Variants in ERAP1 observed in about 807,000 individuals in gnomAD.
The protein encoded by ERAP1 is adipocyte-derived leucine aminopeptidase.
ERAP1 carries 86 observed loss-of-function variants against 103.7 expected under a neutral mutation model. The ratio of observed to expected loss-of-function variants is 0.83; its 90% CI spans 0.70 to 0.99. The LOEUF (loss-of-function observed/expected upper bound fraction) is 0.99, where lower values mean the gene tolerates loss of function less well. Among genes scored for constraint, ERAP1 ranks in the 50% least tolerant of loss-of-function variants. The probability of loss-of-function intolerance (pLI) is 0.00; values close to 1 mark genes in which losing one functional copy is unlikely to be tolerated. For missense variants in ERAP1, 1,009 were observed against 1,128.4 expected, an observed-to-expected ratio of 0.89 and a Z score of 1.52; for synonymous variants, 398 against 402.4, an observed-to-expected ratio of 0.99 and a Z score of 0.13.
chr5:96,889,752 G>A, the ERAP1 span, among the ~76,000 whole-genome samples: 1 of 151,780 alleles, frequency 6.6e-6, no homozygotes, highest in East Asian at 1.9e-4. Context: ...TCTGTGGGAG[G>A]GAAACACACC....
chr5:96,896,942 C>A, the ERAP1 span: 1 of 1,410,832 alleles, frequency 7.1e-7, no homozygotes, highest in Non-Finnish European at 9.4e-7. Context: ...TTATAAATAG[C>A]TATATATTGT....
chr5:96,821,939 A>G, the ERAP1 span, among the ~76,000 whole-genome samples: 6 of 152,328 alleles, frequency 3.9e-5, no homozygotes, highest in Non-Finnish European at 8.8e-5. Context: ...TGCCTTTCAA[A>G]TCTTTGCTGG....
At chr5:96,864,913 T>C in the ERAP1 span, among the ~76,000 whole-genome samples, 11 of 152,290 alleles carry the variant, frequency 7.2e-5, no homozygotes, top group African/African-American at 2.4e-4. Context: ...AAAAATCTTA[T>C]GGATACAGAA....
chr5:96,766,809 G>A (rs1045890684), intron 19 of ERAP1, among the ~76,000 whole-genome samples: 1 of 152,124 alleles, frequency 6.6e-6, no homozygotes, highest in African/African-American at 2.4e-5. Flanking sequence ...TAAGAAACAA[G>A]GAAGACCAAA....
At chr5:96,839,836 A>T in the ERAP1 span, among the ~76,000 whole-genome samples, 1 of 152,140 alleles carries the variant, frequency 6.6e-6, no homozygotes, top group African/African-American at 2.4e-5. Context: ...AAATACTCAG[A>T]TCTCAGCTCA....
the ERAP1 span, among the ~76,000 whole-genome samples, chr5:96,840,096 T>C: frequency 1.3e-5 from 2 of 152,238 alleles, no homozygotes; most frequent in African/African-American, 4.8e-5. Context: ...TAAACAATTA[T>C]TAGATGAAAG....
At chr5:96,845,493 G>T in the ERAP1 span, among the ~76,000 whole-genome samples, 1 of 151,982 alleles carries the variant, frequency 6.6e-6, no homozygotes, top group African/African-American at 2.4e-5. Context: ...CCTTGGCCTC[G>T]CAAAGTGCTG....
chr5:96,900,143 C>T, the ERAP1 span: 1 of 1,613,836 alleles, frequency 6.2e-7, no homozygotes, highest in African/African-American at 1.3e-5. Context: ...AGTGATTTTA[C>T]ATCTGGTGGA....
the ERAP1 span, among the ~76,000 whole-genome samples, chr5:96,868,762 A>T: frequency 6.6e-6 from 1 of 152,190 alleles, no homozygotes; most frequent in East Asian, 1.9e-4. Context: ...ACAAATGTTC[A>T]GTATGCTGCT....
Position 96,781,803 on chromosome 5 carries a change from T to A in ERAP1, c.2337A>T (p.Thr779=). ...LAVFAVGAQS[T]EGWDFLYSKY... is the part of the protein sequence containing the mutation. Reference sequence around the variant, plus strand: ...TACTATAAAGAAAATCCCAGCCTTCTGTGCTCTGGGCCCCCACAGCAAACA... The same window carrying A: ...TACTATAAAGAAAATCCCAGCCTTCAGTGCTCTGGGCCCCCACAGCAAACA... Residue 779 remains threonine (T), a synonymous_variant, in exon 16 of 19, where the codon ACA becomes ACT. Coordinates refer to ENST00000443439, the MANE Select transcript of ERAP1 (RefSeq NM_001040458.3). 2.5e-6 allele frequency: 4 copies of A among 1,614,122 alleles called. No individual in the cohort carries two copies. The highest frequency in any genetic ancestry group is 2.5e-6 in the Non-Finnish European group (3 of 1,180,008).
At position 96,788,626 on chromosome 5, in the gene ERAP1, C is replaced by T. The variant is rs1448691137; in HGVS notation, c.1584G>A (p.Lys528=). 1 of 1,614,150 alleles carries T rather than the reference C, an allele frequency of 6.2e-7. No homozygotes were observed. Among genetic ancestry groups the T allele is most frequent in the East Asian group, 2.2e-5 (1 of 44,882 alleles). Reference sequence around the variant, plus strand: ...CTGTGATGGTTATTAGGGGAAAACCCTTCTGCAGTGTCCAAGTGTTCATCA... The same window carrying T: ...CTGTGATGGTTATTAGGGGAAAACCTTTCTGCAGTGTCCAAGTGTTCATCA... ...KTMMNTWTLQ[K]GFPLITITVR... is the part of the protein sequence containing the mutation. The change falls in exon 11 of 19, where the codon AAG becomes AAA. Residue 528 remains lysine, a synonymous_variant. Transcript: ENST00000443439.
At chr5:96,923,321 G>A in the ERAP1 span, among the ~76,000 whole-genome samples, 1 of 152,052 alleles carries the variant, frequency 6.6e-6, no homozygotes, top group Non-Finnish European at 1.5e-5. Context: ...TTGACCCCTC[G>A]GTCTCACTGA....
the ERAP1 span, among the ~76,000 whole-genome samples, chr5:96,911,021 C>A: frequency 1.3e-5 from 2 of 152,128 alleles, no homozygotes; most frequent in Non-Finnish European, 2.9e-5. Context: ...ATTATTTGAT[C>A]TTTATTATAT....
chr5:96,830,381 C>T, the ERAP1 span, among the ~76,000 whole-genome samples: 1 of 152,226 alleles, frequency 6.6e-6, no homozygotes, highest in Admixed American at 6.5e-5. Flanking sequence ...GATTCCCCCA[C>T]TCCAGGTTTG....
chr5:96,919,348 G>A, the ERAP1 span: 2 of 152,198 alleles, frequency 1.3e-5, no homozygotes, highest in Admixed American at 6.5e-5. Context: ...ACTTGGTGGT[G>A]GACCTTCCTT....
the ERAP1 span, chr5:96,873,755 C>T: frequency 9.4e-6 from 3 of 319,102 alleles, no homozygotes; most frequent in Non-Finnish European, 1.9e-5. Context: ...TTGAGGGTCT[C>T]TTATATGGCA....
chr5:96,824,473 A>ATGTAT, the ERAP1 span, among the ~76,000 whole-genome samples: 1 of 152,144 alleles, frequency 6.6e-6, no homozygotes, highest in Non-Finnish European at 1.5e-5. Context: ...TGAGGTCTAT[A>ATGTAT]CATCCCTATG....
At chr5:96,779,717 C>T (rs1338054870) in intron 18 of ERAP1, 2 of 153,770 alleles carry the variant, frequency 1.3e-5, no homozygotes, top group South Asian at 2.1e-4. Context: ...CTCAATGGCC[C>T]ACACATCAAA....
At chr5:96,891,168 A>G in the ERAP1 span, among the ~76,000 whole-genome samples, 1 of 152,178 alleles carries the variant, frequency 6.6e-6, no homozygotes, top group African/African-American at 2.4e-5. Context: ...CAATGTAATT[A>G]TAAGCCAAGT....
Sources: allele counts gnomAD v4.1 joint callset (sites outside exome capture counted in the v4.1 genomes callset), GRCh38; gene constraint gnomAD v4.1.1; transcripts MANE v1.5; gene names NCBI Gene and HGNC (gene_info 2026-07-23, HGNC 2026-07-21).